Variants in FOXN3 observed in about 807,000 individuals in gnomAD.
FOXN3 encodes the protein forkhead box N3.
In FOXN3, 7 loss-of-function variants were observed where a neutral mutation model predicts 38.4. The ratio of observed to expected loss-of-function variants is 0.18; its 90% CI spans 0.10 to 0.34. The LOEUF (loss-of-function observed/expected upper bound fraction) is 0.34, where lower values mean the gene tolerates loss of function less well. FOXN3 is among the 10% of genes least tolerant of loss of function. The pLI is 1.00. For synonymous variants in FOXN3, 230 were observed against 242.2 expected (o/e 0.95, Z 0.47); for missense variants, 456 against 613.4 (o/e 0.74, Z 2.71).
At chr14:89,506,070 T>TGG (rs1394803417) in intron 1 of FOXN3, among the ~76,000 whole-genome samples, 22 of 112,896 alleles carry the variant, frequency 1.9e-4, no homozygotes, top group African/African-American at 7.4e-4. Context: ...AGAAGGGAGG[T>TGG]GGGGGGGTCA....
chr14:89,249,391 C>CCACTG (rs1407620270), intron 4 of FOXN3, among the ~76,000 whole-genome samples: 1 of 152,210 alleles, frequency 6.6e-6, no homozygotes, highest in Non-Finnish European at 1.5e-5. Context: ...CTTAGAGCAG[C>CCACTG]CACTGTCAGG....
intron 1 of FOXN3, among the ~76,000 whole-genome samples, chr14:89,490,574 A>T (rs1312879917): frequency 6.6e-6 from 1 of 152,220 alleles, no homozygotes; most frequent in African/African-American, 2.4e-5. Flanking sequence ...TATAAAATGA[A>T]TTTAGCTCCC....
chr14:89,162,669 C>G lies in FOXN3; in HGVS notation c.1152G>C (p.Lys384Asn). Residue 384 changes from lysine to asparagine, a missense_variant, in exon 6 of 6, where the codon AAG becomes AAC. Lys to Asn is a moderately conservative substitution (Grantham distance 94). Transcript: ENST00000557258. The surrounding 1 kb of genome is among the most constrained non-coding windows in gnomAD (Gnocchi z 7.2). ...CGTACCCGCTGTCCCCCAGAGAATC[C>G]TTGGGCTCCTTCTGGCTGTGCTTCC... ...DDRKHSQKEP[K>N]DSLGDSGYAS... is the part of the protein sequence containing the mutation. 1 of 1,614,060 alleles carries G rather than the reference C, an allele frequency of 6.2e-7. No homozygotes were observed.
At chr14:89,182,207 T>G (rs1356928499) in intron 4 of FOXN3, among the ~76,000 whole-genome samples, 1 of 152,230 alleles carries the variant, frequency 6.6e-6, no homozygotes, top group East Asian at 1.9e-4. Flanking sequence ...ACTTACATAA[T>G]TTTTAGGTAT....
chr14:89,437,940 T>C (rs1156790925), intron 1 of FOXN3, among the ~76,000 whole-genome samples: 1 of 152,210 alleles, frequency 6.6e-6, no homozygotes, highest in East Asian at 1.9e-4. Context: ...GACAATGAGC[T>C]AGGGTTTTAT....
chr14:89,212,553 C>T (rs1566930279), intron 4 of FOXN3, among the ~76,000 whole-genome samples: 1 of 152,188 alleles, frequency 6.6e-6, no homozygotes, highest in Non-Finnish European at 1.5e-5. Context: ...CTCTGGGTCA[C>T]AGCCATGAGG....
intron 3 of FOXN3, among the ~76,000 whole-genome samples, chr14:89,292,709 A>T (rs1206046466): frequency 6.6e-6 from 1 of 152,092 alleles, no homozygotes. Flanking sequence ...CACAGCCTTG[A>T]TCTTGGACTT....
rs1183259048 is a variant in FOXN3, at chr14:89,555,880, T to TGTGTGTGGG, written c.-15+63147_-15+63148insCCCACACAC. Among the ~76,000 whole-genome samples the TGTGTGTGGG allele has an allele frequency of 6.0e-5, 6 of 99,618 alleles. No individual in the cohort carries two copies. In the East Asian group the frequency reaches 1.6e-3, roughly 26 times the overall value. 65.4% of individuals were successfully genotyped at this position (99,618 alleles called of 152,430 possible). A position where few individuals can be genotyped will look rare whatever the true frequency, so the allele number is the denominator to read the frequency against. ...GTGTGTGTGTGTGTGTGTGTGTATG[T>TGTGTGTGGG]GGGGGTGTATGTGGGGGTGTGTGTG... On this transcript the variant is annotated intron_variant, in intron 1 of 6. Coordinates refer to the FOXN3 transcript ENST00000345097.
At chr14:89,341,626 CTA>C (rs771422145) in intron 3 of FOXN3, among the ~76,000 whole-genome samples, 5 of 152,134 alleles carry the variant, frequency 3.3e-5, no homozygotes, top group Non-Finnish European at 7.3e-5. Context: ...CAAAAATATT[CTA>C]TGAGACCATC....
At position 89,382,376 on chromosome 14, in the gene FOXN3, A is replaced by G. The variant is rs146049265; in HGVS notation, c.543+29558T>C. Reference sequence around the variant, plus strand: ...TCCAAGCCTTCAAATGTTCCCCAGTAGAGACACAAAACACCCTCACTTCCA... The same window carrying G: ...TCCAAGCCTTCAAATGTTCCCCAGTGGAGACACAAAACACCCTCACTTCCA... On this transcript the variant is annotated intron_variant, in intron 2 of 5. Coordinates refer to ENST00000557258, the MANE Select transcript of FOXN3 (RefSeq NM_005197.4). Among the ~76,000 whole-genome samples, 108 of 152,268 alleles carry G rather than the reference A, an allele frequency of 7.1e-4. 1 individual carries two copies. The highest frequency in any genetic ancestry group is 5.3e-4 in the Non-Finnish European group (36 of 68,022).
In FOXN3 at chr14:89,554,647, A is replaced by G. The variant is rs554140493; in HGVS notation, c.-15+64381T>C. Among the ~76,000 whole-genome samples the G allele has an allele frequency of 1.7e-4, 26 of 152,320 alleles. No homozygotes were observed. The South Asian group carries it at 2.3e-3, about 13-fold the overall frequency. ...GGCCAGCCACTCAATTCTACTTCTC[A>G]ACAGCAAAAGAACAAACAAGAAACA... is the stretch of plus-strand genomic sequence containing the variant. On this transcript the variant is annotated intron_variant, in intron 1 of 6. Coordinates refer to the FOXN3 transcript ENST00000345097.
rs572210233 is a variant in FOXN3, at chr14:89,221,861, T to C, written c.746-41055A>G. 1.0e-3 allele frequency among the ~76,000 whole-genome samples: 157 copies of C among 152,052 alleles called. 1 individual carries two copies. In the Middle Eastern group the frequency reaches 0.017, roughly 17 times the overall value. On this transcript the variant is annotated intron_variant, in intron 4 of 5. Transcript: ENST00000557258. ...TTTTTGAGATGGAGTCTTGCTCTGT[T>C]GCCCAGGCTGGAGTGCAGTGGCGCG...
chr14:89,433,397 G>A (rs542498423), intron 1 of FOXN3, among the ~76,000 whole-genome samples: 7 of 152,324 alleles, frequency 4.6e-5, no homozygotes, highest in Admixed American at 2.0e-4. Context: ...CAGAAGAATC[G>A]CTTGAACTCA....
At chr14:89,447,171 G>A (rs1217417394) in intron 1 of FOXN3, among the ~76,000 whole-genome samples, 1 of 150,566 alleles carries the variant, frequency 6.6e-6, no homozygotes, top group African/African-American at 2.5e-5. Context: ...ACTCCAGCCT[G>A]GACAACAAGA....
intron 1 of FOXN3, among the ~76,000 whole-genome samples, chr14:89,605,179 A>C (rs1264948652): frequency 2.0e-5 from 3 of 152,184 alleles, no homozygotes; most frequent in African/African-American, 4.8e-5. Context: ...AAAAAACACA[A>C]AAAAAACAAG....
intron 1 of FOXN3, among the ~76,000 whole-genome samples, chr14:89,543,710 G>A (rs575099903): frequency 5.9e-5 from 9 of 152,254 alleles, no homozygotes; most frequent in Admixed American, 2.6e-4. Flanking sequence ...GATTAAAACC[G>A]AATAAAAATG....
At chr14:89,243,167 G>T (rs549640227) in intron 4 of FOXN3, among the ~76,000 whole-genome samples, 1 of 152,254 alleles carries the variant, frequency 6.6e-6, no homozygotes, top group South Asian at 2.1e-4. Context: ...CCAAGTGATT[G>T]TTAGGAAGTA....
rs201016882 is a variant in FOXN3, at chr14:89,555,838, G to GGTGTGTGTGTGTGTGTGTGTGTGTGTGT, written c.-15+63162_-15+63189dup. ...TCATAAAGCTTACCTTCTAGTTCAT[G>GGTGTGTGTGTGTGTGTGTGTGTGTGTGT]GTGTGTGTGTGTGTGTGTGTGTGTG... On this transcript the variant is annotated intron_variant, in intron 1 of 6. Transcript: ENST00000345097. 1.9e-4 allele frequency among the ~76,000 whole-genome samples: 17 copies of GGTGTGTGTGTGTGTGTGTGTGTGTGTGT among 89,700 alleles called. 1 individual carries two copies. The highest frequency in any genetic ancestry group is 3.3e-4 in the African/African-American group (11 of 33,242). The allele number at this position is 89,700 out of a possible 152,430, so 58.8% of individuals were successfully genotyped here.
At chr14:89,282,618 C>T (rs773927522) in intron 3 of FOXN3, among the ~76,000 whole-genome samples, 4 of 152,224 alleles carry the variant, frequency 2.6e-5, no homozygotes, top group African/African-American at 9.6e-5. Context: ...GAACAGCAAG[C>T]TGGCTGTTGC....
Sources: gnomAD v4.1 joint callset for allele counts (sites outside exome capture counted in the v4.1 genomes callset) on GRCh38, gnomAD v4.1.1 for gene constraint, Gnocchi (gnomAD v3.1) non-coding constraint, MANE v1.5 for transcripts, NCBI Gene and HGNC (gene_info 2026-07-23, HGNC 2026-07-21) for gene names.